Variants in INPP4A observed in about 807,000 individuals in gnomAD.
The protein encoded by INPP4A is inositol polyphosphate-4-phosphatase, type I, 107kD.
In INPP4A, 33 loss-of-function variants were observed where a neutral mutation model predicts 119.8. The ratio of observed to expected loss-of-function variants is 0.28; its 90% CI spans 0.21 to 0.37. The LOEUF (loss-of-function observed/expected upper bound fraction) is 0.37. Ranked by LOEUF, INPP4A falls within the 10% of genes least tolerant of loss-of-function variation. The pLI is 1.00. For synonymous variants in INPP4A, 496 were observed against 500.7 expected, an observed-to-expected ratio of 0.99 and a Z score of 0.12; for missense variants, 956 against 1,289.9, an observed-to-expected ratio of 0.74 and a Z score of 3.97.
chr2:98,463,647 G>T (rs1393726383), intron 1 of INPP4A, among the ~76,000 whole-genome samples: 2 of 152,250 alleles, frequency 1.3e-5, no homozygotes, highest in African/African-American at 4.8e-5. Context: ...ATTGACTTGT[G>T]GAGCTGGCCC....
intron 16 of INPP4A, chr2:98,556,150 C>G (rs1390981492): frequency 1.4e-5 from 4 of 287,380 alleles, no homozygotes; most frequent in South Asian, 2.1e-4. Flanking sequence ...GATGCAGATG[C>G]CTTTCTGATG....
At chr2:98,539,899 G>A (rs1157083236) in intron 10 of INPP4A, among the ~76,000 whole-genome samples, 2 of 152,116 alleles carry the variant, frequency 1.3e-5, no homozygotes, top group East Asian at 1.9e-4. Context: ...GAACCCAGAT[G>A]TGTGCCCCAC....
chr2:98,564,031 T>G (rs2106336738), intron 18 of INPP4A, among the ~76,000 whole-genome samples: 1 of 151,996 alleles, frequency 6.6e-6, no homozygotes, highest in Middle Eastern at 3.4e-3. Flanking sequence ...AGTAGGTGCC[T>G]TAGCTCTGCA....
At chr2:98,575,628 C>G (rs1489607513) in intron 23 of INPP4A, among the ~76,000 whole-genome samples, 1 of 152,006 alleles carries the variant, frequency 6.6e-6, no homozygotes, top group Non-Finnish European at 1.5e-5. Context: ...TTTTGCCTTT[C>G]CCTAGACGAG....
rs149994808 is a variant in INPP4A at position 98,555,537 on chromosome 2, C to A, written c.1567-16C>A. 3.8e-6 allele frequency: 6 copies of A among 1,582,872 alleles called. No individual in the cohort carries two copies. Among genetic ancestry groups the A allele is most frequent in the Non-Finnish European group, 5.2e-6 (6 of 1,160,656 alleles). On this transcript the variant is annotated splice_polypyrimidine_tract_variant and intron_variant, in intron 15 of 24. Transcript: ENST00000409851. ...TTCGGGAGAGCTGACCCACATGGGC[C>A]CCTTTGATTTGGAAGGAGAAAGTGT...
intron 1 of INPP4A, among the ~76,000 whole-genome samples, chr2:98,506,402 A>T (rs931834963): frequency 6.6e-6 from 1 of 152,242 alleles, no homozygotes; most frequent in Non-Finnish European, 1.5e-5. Context: ...ATCAAACTAG[A>T]ATAGCTGTCT....
At chr2:98,456,255 A>G (rs1486496941) in intron 1 of INPP4A, among the ~76,000 whole-genome samples, 1 of 152,226 alleles carries the variant, frequency 6.6e-6, no homozygotes, top group African/African-American at 2.4e-5. Context: ...CAAATGTCAA[A>G]TGGATACAAC....
rs559802151 is a variant in INPP4A, at chr2:98,541,061, C to T, written c.818+1386C>T. Among the ~76,000 whole-genome samples the T allele has an allele frequency of 2.6e-5, 4 of 152,364 alleles. No individual in the cohort carries two copies. In the East Asian group the frequency reaches 7.7e-4, roughly 29 times the overall value. On this transcript the variant is annotated intron_variant, in intron 10 of 24. Transcript: ENST00000409851. The stretch of plus-strand genomic sequence containing the variant: ...AAGGGCAAGAGGCCAGGCGCAGTGG[C>T]TCACGCCTGTAATCCCAGCACTTTG...
chr2:98,519,713 T>C (rs1686819178), intron 2 of INPP4A: 3 of 291,806 alleles, frequency 1.0e-5, no homozygotes, highest in East Asian at 1.5e-4. Context: ...ATATCTCTGC[T>C]GAAGAGGACA....
At chr2:98,448,046 C>CAAA (rs35998148) in intron 1 of INPP4A, among the ~76,000 whole-genome samples, 11 of 64,146 alleles carry the variant, frequency 1.7e-4, no homozygotes, top group African/African-American at 1.9e-4. Context: ...GACTCTGTCT[C>CAAA]AAAAAAAAAA....
intron 23 of INPP4A, among the ~76,000 whole-genome samples, chr2:98,576,587 G>C (rs1381357993): frequency 6.6e-6 from 1 of 152,198 alleles, no homozygotes; most frequent in East Asian, 1.9e-4. Context: ...AGTGGCTCTG[G>C]CTTCCCCAGT....
intron 16 of INPP4A, among the ~76,000 whole-genome samples, chr2:98,558,307 G>C (rs1395816047): frequency 6.6e-6 from 1 of 152,108 alleles, no homozygotes; most frequent in African/African-American, 2.4e-5. Context: ...TAGAAGAGGG[G>C]TTATGGGGAG....
At chr2:98,539,133 A>G (rs1368820474) in intron 9 of INPP4A, among the ~76,000 whole-genome samples, 152 bp downstream of exon 9, 2 of 152,226 alleles carry the variant, frequency 1.3e-5, no homozygotes, top group Admixed American at 6.5e-5. Flanking sequence ...TTTTTGCAGC[A>G]TATAAAGAGT....
intron 1 of INPP4A, among the ~76,000 whole-genome samples, chr2:98,488,488 C>T (rs757091488): frequency 6.6e-6 from 1 of 152,204 alleles, no homozygotes; most frequent in African/African-American, 2.4e-5. Flanking sequence ...GCACCTCATT[C>T]GGAGTTCTGT....
chr2:98,549,030 T>C, intron 13 of INPP4A: 1 of 1,538,812 alleles, frequency 6.5e-7, no homozygotes, highest in Admixed American at 1.8e-5. Flanking sequence ...CAGAGAAAGC[T>C]TGTGCCATCC....
chr2:98,543,926 C>G lies in INPP4A; in HGVS notation c.868C>G (p.Leu290Val), dbSNP rs1202469558. Residue 290 changes from leucine to valine, a missense_variant, in exon 11 of 25, where the codon CTC (leucine) becomes GTC (valine). Physicochemically the swap from Leu to Val is conservative, Grantham distance 32. Around this residue, in one of 2 missense-constraint regions of INPP4A, gnomAD observed 652 missense variants for 797.9 expected, o/e 0.82. Coordinates refer to ENST00000409851, the MANE Select transcript of INPP4A (RefSeq NM_001134225.2). Reference sequence around the variant, plus strand: ...AGAGCTGTCCCCTTGCTGGGAGAGCCTCCGGCGCCAAATTGTCACCCAGTA... The same window carrying G: ...AGAGCTGTCCCCTTGCTGGGAGAGCGTCCGGCGCCAAATTGTCACCCAGTA... ...LGELSPCWES[L>V]RRQIVTQYQT... is the part of the protein sequence containing the mutation. The G allele has an allele frequency of 6.2e-7, 1 of 1,610,854 alleles. No individual in the cohort carries two copies.
intron 1 of INPP4A, among the ~76,000 whole-genome samples, chr2:98,495,487 C>T (rs1403312151): frequency 1.3e-5 from 2 of 152,130 alleles, no homozygotes; most frequent in Non-Finnish European, 2.9e-5. Context: ...TATGAGTGAC[C>T]AGCCCCAGGA....
In INPP4A at chr2:98,486,327, A is replaced by G. The variant is rs149263197; in HGVS notation, c.-165-32637A>G. ...GAACTCTCTGGGGTCCCAAAAGTCT[A>G]GGAAGTTTGGAAAATCCTCTTCCTT... On this transcript the variant is annotated intron_variant, in intron 1 of 24. Transcript: ENST00000409851. Among the ~76,000 whole-genome samples the G allele has an allele frequency of 5.2e-3, 792 of 152,318 alleles. 11 individuals carry two copies. Among genetic ancestry groups the G allele is most frequent in the African/African-American group, 0.018 (735 of 41,564 alleles).
rs749201840 is a variant in INPP4A, at chr2:98,460,136, TTTAAAA to T, written c.-166+15058_-166+15063del. ...GTGTGTGTGTGTGTGTGTGTGTATG[TTTAAAA>T]TTAAAAGTAAAAATTTTCCCCATAT... On this transcript the variant is annotated intron_variant, in intron 1 of 24. Transcript: ENST00000409851. Among the ~76,000 whole-genome samples the T allele has an allele frequency of 1.2e-3, 178 of 152,134 alleles. 1 individual carries two copies. The highest frequency in any genetic ancestry group is 2.1e-3 in the Non-Finnish European group (143 of 68,004).
Sources: gnomAD v4.1 joint callset for allele counts (sites outside exome capture counted in the v4.1 genomes callset) on GRCh38, gnomAD v4.1.1 for gene constraint, gnomAD v4.1.1 regional missense constraint, MANE v1.5 for transcripts, NCBI Gene and HGNC (gene_info 2026-07-23, HGNC 2026-07-21) for gene names.